Variants in KATNAL2 observed in about 807,000 individuals in gnomAD.
KATNAL2 encodes the protein katanin p60 ATPase-containing subunit A-like 2.
In KATNAL2, 52 loss-of-function variants were observed where a neutral mutation model predicts 76.3. That is an observed-to-expected ratio of 0.68 (90% CI 0.55 to 0.86). KATNAL2 has a LOEUF of 0.86. Ranked by LOEUF, KATNAL2 falls within the 40% of genes least tolerant of loss-of-function variation. The pLI, the probability that KATNAL2 is intolerant of heterozygous loss-of-function variation, is 0.00. For synonymous variants in KATNAL2, 243 were observed against 244.2 expected (o/e 1.00, Z 0.05); for missense variants, 660 against 668.9 (o/e 0.99, Z 0.15).
chr18:47,054,500 C>CA, intron 6 of KATNAL2, 62 bp downstream of exon 6: 1 of 1,504,130 alleles, frequency 6.6e-7, no homozygotes, highest in South Asian at 1.1e-5. Flanking sequence ...AATCCCTTTC[C>CA]AGAAGCTTTA....
chr18:47,096,071 C>G (rs773605073), intron 15 of KATNAL2, among the ~76,000 whole-genome samples: 2 of 152,126 alleles, frequency 1.3e-5, no homozygotes, highest in Non-Finnish European at 1.5e-5. Flanking sequence ...TTGTTACTGT[C>G]GGTAAGGCAC....
At chr18:47,064,356 A>G (rs1419109174) in intron 10 of KATNAL2, among the ~76,000 whole-genome samples, 2 of 152,166 alleles carry the variant, frequency 1.3e-5, no homozygotes, top group Non-Finnish European at 2.9e-5. Context: ...GAGAAATTGC[A>G]GTTTGTGCAC....
chr18:47,034,088 G>A (rs147141877), intron 3 of KATNAL2: 32 of 1,614,082 alleles, frequency 2.0e-5, no homozygotes, highest in Non-Finnish European at 2.5e-5. Flanking sequence ...TTTTGCTTCC[G>A]CAACTGATCG....
chr18:46,923,157 G>A (rs993367991), intron 1 of KATNAL2, among the ~76,000 whole-genome samples: 1 of 150,890 alleles, frequency 6.6e-6, no homozygotes, highest in African/African-American at 2.4e-5. Context: ...TTGGTGTGCT[G>A]CACCCATTAA....
rs559765704 is a variant in KATNAL2 at position 46,957,119 on chromosome 18, A to G, written c.51+10196A>G. On this transcript the variant is annotated intron_variant, in intron 3 of 17. Coordinates refer to ENST00000683218, the MANE Select transcript of KATNAL2 (RefSeq NM_001387690.1). Reference sequence around the variant, plus strand: ...TGGGACTGCTTTGCCAGTTAATTTTATGTGTCAACTTGACTGTGCTTTGGG... The same window carrying G: ...TGGGACTGCTTTGCCAGTTAATTTTGTGTGTCAACTTGACTGTGCTTTGGG... 7.4e-4 allele frequency among the ~76,000 whole-genome samples: 112 copies of G among 151,122 alleles called. 1 individual carries two copies. The highest frequency in any genetic ancestry group is 7.4e-3 in the East Asian group (38 of 5,142).
intron 3 of KATNAL2, among the ~76,000 whole-genome samples, chr18:46,960,357 T>G (rs1450962831): frequency 1.3e-5 from 2 of 149,322 alleles, no homozygotes; most frequent in South Asian, 2.1e-4. Context: ...TGAACTGGGG[T>G]GGGTGGAGGT....
intron 11 of KATNAL2, 39 bp from the exon 12 acceptor site, chr18:47,069,181 G>T (rs1212940631): frequency 6.9e-7 from 1 of 1,441,074 alleles, no homozygotes; most frequent in Non-Finnish European, 9.8e-7. Flanking sequence ...AGGCTGATGT[G>T]TTGGTACCAA....
chr18:47,034,223 CTT>C (rs750231173), intron 3 of KATNAL2: 2 of 1,613,838 alleles, frequency 1.2e-6, no homozygotes, highest in East Asian at 2.2e-5. Context: ...GGCTTCCCCT[CTT>C]GAGTCTCTCG....
At chr18:47,064,663 A>G (rs1156240520) in intron 10 of KATNAL2, among the ~76,000 whole-genome samples, 2 of 152,146 alleles carry the variant, frequency 1.3e-5, no homozygotes, top group African/African-American at 4.8e-5. Context: ...CCCCAAATTA[A>G]TAGTCTCATT....
chr18:46,933,816 G>A (rs1168364680), intron 1 of KATNAL2, among the ~76,000 whole-genome samples: 3 of 123,748 alleles, frequency 2.4e-5, no homozygotes, highest in Non-Finnish European at 3.3e-5. Context: ...AACAGTCCCC[G>A]TCCCCAGTGT....
In KATNAL2 at chr18:47,092,925, C is replaced by T. The variant is rs142396893; in HGVS notation, c.1212-6318C>T. Among the ~76,000 whole-genome samples, 42 of 152,226 alleles carry T rather than the reference C, an allele frequency of 2.8e-4. No homozygotes were observed. In the East Asian group the frequency reaches 7.5e-3, roughly 27 times the overall value. Reference sequence around the variant, plus strand: ...TGTTGAAAATGTCTTTATTCTATCCCCCAACTTAATTGATGTCTTCATCAA... The same window carrying T: ...TGTTGAAAATGTCTTTATTCTATCCTCCAACTTAATTGATGTCTTCATCAA... On this transcript the variant is annotated intron_variant, in intron 15 of 17. Transcript: ENST00000683218.
intron 1 of KATNAL2, 39 bp from the exon 2 acceptor site, chr18:46,946,018 T>C (rs2059374384): frequency 5.6e-6 from 1 of 178,298 alleles, no homozygotes; most frequent in African/African-American, 2.4e-5. Context: ...AGAAAGGTGA[T>C]TCAGTTCAAC....
rs2061529751 is a variant in KATNAL2, at chr18:47,058,325, A to C, written c.423A>C (p.Lys141Asn). Residue 141 changes from lysine (K) to asparagine (N), a missense_variant, in exon 7 of 18, where the codon AAA (lysine) becomes AAC (asparagine). Physicochemically the swap from Lys to Asn is moderately conservative, Grantham distance 94. Transcript: ENST00000683218. The stretch of plus-strand genomic sequence containing the variant: ...CAGCGGGGAAGACAGGGGACACCAA[A>C]TCGCTCAATAAGGAGCATCCTAATC... ...KTTAGKTGDT[K>N]SLNKEHPNQE... 10 of 1,613,260 alleles carry C rather than the reference A, an allele frequency of 6.2e-6. No individual in the cohort carries two copies. The highest frequency in any genetic ancestry group is 8.5e-6 in the Non-Finnish European group (10 of 1,179,336).
At chr18:46,962,177 C>CT (rs1195691216) in intron 3 of KATNAL2, among the ~76,000 whole-genome samples, 2 of 139,252 alleles carry the variant, frequency 1.4e-5, no homozygotes, top group Non-Finnish European at 3.0e-5. Context: ...ATTTTGGTAT[C>CT]TTTTGTGGAG....
Position 47,034,097 on chromosome 18 carries a change from C to G in KATNAL2, c.52-12360C>G. ...TTTTTCTTTTGCTTCCGCAACTGATCGTAGGTGAGGTATTTTTCACATGAC... is the reference window on the plus strand; with the variant it reads ...TTTTTCTTTTGCTTCCGCAACTGATGGTAGGTGAGGTATTTTTCACATGAC... On this transcript the variant is annotated intron_variant, in intron 3 of 17. Coordinates refer to ENST00000683218, the MANE Select transcript of KATNAL2 (RefSeq NM_001387690.1). 6.2e-7 allele frequency: 1 copy of G among 1,614,180 alleles called. No homozygotes were observed. Among genetic ancestry groups the G allele is most frequent in the Non-Finnish European group, 8.5e-7 (1 of 1,180,048 alleles).
At position 46,955,132 on chromosome 18, in the gene KATNAL2, T is replaced by C. The variant is rs185039591; in HGVS notation, c.51+8209T>C. 4.0e-3 allele frequency among the ~76,000 whole-genome samples: 531 copies of C among 131,716 alleles called. 3 individuals carry two copies. Among genetic ancestry groups the C allele is most frequent in the Middle Eastern group, 0.011 (3 of 270 alleles). The allele number at this position is 131,716 out of a possible 152,430, so 86.4% of individuals were successfully genotyped here. The stretch of plus-strand genomic sequence containing the variant: ...CTTCCTTCCTTTTGTCTTTCTTTCT[T>C]TCTCTCTCTCTTTCTTTCTTTCTTT... On this transcript the variant is annotated intron_variant, in intron 3 of 17. Transcript: ENST00000683218.
intron 3 of KATNAL2, chr18:46,962,892 CCGCTCACGCTGCCGCCGT>C (rs2060016674): frequency 2.5e-6 from 1 of 393,854 alleles, no homozygotes; most frequent in Admixed American, 7.6e-5. Context: ...GCTGCCGCCG[CCGCTCACGCTGCCGCCGT>C]CGCCGTCCCC....
chr18:47,031,812 C>CATCCCT (rs1272525165), intron 3 of KATNAL2, among the ~76,000 whole-genome samples: 2 of 152,286 alleles, frequency 1.3e-5, no homozygotes, highest in Middle Eastern at 3.4e-3. Flanking sequence ...GGCAGTGTCA[C>CATCCCT]ATCCCTTTTC....
chr18:47,041,336 A>G (rs2060956779), intron 3 of KATNAL2, among the ~76,000 whole-genome samples: 1 of 152,140 alleles, frequency 6.6e-6, no homozygotes, highest in Admixed American at 6.5e-5. Flanking sequence ...GCTGCCCTAG[A>G]AATCTTGTAC....
Sources: allele counts gnomAD v4.1 joint callset (sites outside exome capture counted in the v4.1 genomes callset), GRCh38; gene constraint gnomAD v4.1.1; transcripts MANE v1.5; gene names NCBI Gene and HGNC (gene_info 2026-07-23, HGNC 2026-07-21).